The following RAD51B variants were observed in gnomAD, a reference collection of about 807,000 sequenced individuals.
RAD51B encodes RAD51 paralog B.
RAD51B carries 38 observed loss-of-function variants against 42.2 expected under a neutral mutation model. The observed-to-expected ratio is 0.90, with a 90% CI of 0.70 to 1.18. The LOEUF (loss-of-function observed/expected upper bound fraction) is 1.18. RAD51B is among the 50% of genes most tolerant of loss of function. RAD51B has a pLI of 0.00. For missense variants in RAD51B, 373 were observed against 400.7 expected (o/e 0.93, Z 0.59); for synonymous variants, 154 against 145.2 (o/e 1.06, Z -0.43).
chr14:68,346,555 C>T (rs1279604288), intron 8 of RAD51B, among the ~76,000 whole-genome samples: 3 of 152,240 alleles, frequency 2.0e-5, no homozygotes, highest in Non-Finnish European at 4.4e-5. Flanking sequence ...TGGATTTCTG[C>T]TGCCTGAACT....
chr14:68,397,746 C>G (rs1426678344), intron 8 of RAD51B, among the ~76,000 whole-genome samples: 1 of 152,096 alleles, frequency 6.6e-6, no homozygotes, highest in African/African-American at 2.4e-5. Flanking sequence ...AAAGCCGGGT[C>G]CAGATGGCCA....
At chr14:68,512,360 G>A (rs757763453) in intron 10 of RAD51B, among the ~76,000 whole-genome samples, 9 of 152,156 alleles carry the variant, frequency 5.9e-5, no homozygotes, top group African/African-American at 1.2e-4. Context: ...CTCCTCCTAC[G>A]GTTTGCTTGT....
intron 8 of RAD51B, among the ~76,000 whole-genome samples, chr14:68,357,255 A>G (rs2082928932): frequency 6.6e-6 from 1 of 152,202 alleles, no homozygotes. Flanking sequence ...TGCTTATCCA[A>G]AAGAAGCAAC....
intron 7 of RAD51B, among the ~76,000 whole-genome samples, chr14:68,195,201 G>A (rs1454746537): frequency 6.6e-6 from 1 of 152,128 alleles, no homozygotes; most frequent in Non-Finnish European, 1.5e-5. Context: ...GATTTACTAT[G>A]CCATCTTTAC....
intron 7 of RAD51B, among the ~76,000 whole-genome samples, chr14:68,132,010 G>A (rs2077902413): frequency 6.6e-6 from 1 of 152,192 alleles, no homozygotes; most frequent in South Asian, 2.1e-4. Context: ...AAGAGAAGAA[G>A]GAAGAATCAG....
intron 10 of RAD51B, among the ~76,000 whole-genome samples, chr14:68,602,854 C>CT (rs1391771103): frequency 6.6e-6 from 1 of 152,216 alleles, no homozygotes; most frequent in African/African-American, 2.4e-5. Flanking sequence ...TGCTTTTCAT[C>CT]TGGTCAGCAG....
chr14:68,231,012 C>G (rs1279848773), intron 7 of RAD51B, among the ~76,000 whole-genome samples: 2 of 152,136 alleles, frequency 1.3e-5, no homozygotes, highest in Non-Finnish European at 2.9e-5. Flanking sequence ...GGATTTGAGT[C>G]TTTGAGGGCT....
chr14:67,898,461 G>T (rs899498804), intron 7 of RAD51B, among the ~76,000 whole-genome samples: 1 of 152,170 alleles, frequency 6.6e-6, no homozygotes, highest in African/African-American at 2.4e-5. Context: ...ATTGGTGAAA[G>T]GGTAAAAGTT....
chr14:68,163,560 T>G (rs1248909085), intron 7 of RAD51B, among the ~76,000 whole-genome samples: 2 of 152,240 alleles, frequency 1.3e-5, no homozygotes, highest in Non-Finnish European at 2.9e-5. Flanking sequence ...CTATTTCTTC[T>G]ATTTTTCTTT....
chr14:68,033,042 T>C (rs2076070892), intron 7 of RAD51B, among the ~76,000 whole-genome samples: 1 of 152,202 alleles, frequency 6.6e-6, no homozygotes, highest in Non-Finnish European at 1.5e-5. Flanking sequence ...CTGTGGTCTG[T>C]TCTTTATTAC....
At chr14:68,024,707 T>G (rs1448231161) in intron 7 of RAD51B, among the ~76,000 whole-genome samples, 1 of 152,186 alleles carries the variant, frequency 6.6e-6, no homozygotes, top group East Asian at 1.9e-4. Flanking sequence ...CCTGAAACTT[T>G]TCTAAAACTG....
chr14:68,496,758 A>G (rs1884554374), intron 10 of RAD51B, among the ~76,000 whole-genome samples: 1 of 152,256 alleles, frequency 6.6e-6, no homozygotes, highest in Non-Finnish European at 1.5e-5. Flanking sequence ...CAACATTAAC[A>G]GGAGCTTGGA....
At chr14:67,893,111 A>G (rs1199173547) in intron 7 of RAD51B, among the ~76,000 whole-genome samples, 1 of 152,162 alleles carries the variant, frequency 6.6e-6, no homozygotes, top group East Asian at 1.9e-4. Flanking sequence ...GATATGTACA[A>G]GAGTATCTAT....
chr14:67,999,861 A>G lies in RAD51B; in HGVS notation c.756+112657A>G, dbSNP rs893102204. Reference sequence around the variant, plus strand: ...GGAGTAGGGTTTTGATATGTGTTAGATGGGTTCCAAGGACATTCTACTTTT... The same window carrying G: ...GGAGTAGGGTTTTGATATGTGTTAGGTGGGTTCCAAGGACATTCTACTTTT... On this transcript the variant is annotated intron_variant, in intron 7 of 10. Transcript: ENST00000471583. Among the ~76,000 whole-genome samples the G allele has an allele frequency of 6.6e-5, 10 of 152,140 alleles. No individual in the cohort carries two copies. The East Asian group carries it at 1.5e-3, about 23-fold the overall frequency.
chr14:68,454,848 T>A (rs2085645348), intron 9 of RAD51B, among the ~76,000 whole-genome samples: 1 of 152,006 alleles, frequency 6.6e-6, no homozygotes, highest in Admixed American at 6.6e-5. Context: ...AAAAGGAAAA[T>A]CTGGGGGAAT....
chr14:68,274,647 A>C (rs2081185570), intron 7 of RAD51B, among the ~76,000 whole-genome samples: 1 of 152,172 alleles, frequency 6.6e-6, no homozygotes, highest in African/African-American at 2.4e-5. Context: ...TAAAATAATA[A>C]ATGTCACAAA....
At chr14:67,956,498 G>GAAATA (rs61449852) in intron 7 of RAD51B, among the ~76,000 whole-genome samples, 5,039 of 151,380 alleles carry the variant, frequency 0.033, 103 homozygotes, top group Middle Eastern at 0.051. Context: ...GAAATGAAAT[G>GAAATA]AAATAAAATA....
chr14:67,847,755 G>A (rs1019205279), intron 4 of RAD51B, among the ~76,000 whole-genome samples: 1 of 152,180 alleles, frequency 6.6e-6, no homozygotes, highest in Non-Finnish European at 1.5e-5. Context: ...TGTATATTCT[G>A]TGGTTGGTGT....
At chr14:68,601,203 A>T (rs1170553184) in intron 10 of RAD51B, among the ~76,000 whole-genome samples, 2 of 151,716 alleles carry the variant, frequency 1.3e-5, no homozygotes, top group Non-Finnish European at 2.9e-5. Context: ...CCTGTAGTTG[A>T]TCTCATAGCC....
Sources: allele counts gnomAD v4.1 joint callset (sites outside exome capture counted in the v4.1 genomes callset), GRCh38; gene constraint gnomAD v4.1.1; transcripts MANE v1.5; gene names NCBI Gene and HGNC (gene_info 2026-07-23, HGNC 2026-07-21).